The following LYPD5 variants were observed in gnomAD, a reference collection of about 807,000 sequenced individuals.
LYPD5 encodes ly6/PLAUR domain-containing protein 5.
Under a neutral mutation model 19.1 loss-of-function variants are expected in LYPD5, and 21 were observed. The ratio of observed to expected loss-of-function variants is 1.10; its 90% CI spans 0.78 to 1.58. LYPD5 has a LOEUF of 1.58. LYPD5 is among the 40% of genes most tolerant of loss of function. The probability of loss-of-function intolerance (pLI) is 0.00; values close to 1 mark genes in which losing one functional copy is unlikely to be tolerated. For missense variants in LYPD5, 287 were observed against 329.8 expected (o/e 0.87, Z 1.00); for synonymous variants, 128 against 142.7 (o/e 0.90, Z 0.74).
chr19:43,800,688 G>T (rs1324703431), intron 1 of LYPD5, among the ~76,000 whole-genome samples: 1 of 152,182 alleles, frequency 6.6e-6, no homozygotes, highest in African/African-American at 2.4e-5. Flanking sequence ...GAGGCCAGGG[G>T]TGGTGGCTCA....
At chr19:43,798,326 C>A in intron 4 of LYPD5, 129 bp downstream of exon 4, 1 of 1,213,460 alleles carries the variant, frequency 8.2e-7, no homozygotes, top group Non-Finnish European at 1.2e-6. Context: ...CTCCCTCAGA[C>A]CAGGGTCATG....
chr19:43,807,394 C>A (rs1444748714), upstream of LYPD5, among the ~76,000 whole-genome samples: 1 of 151,784 alleles, frequency 6.6e-6, no homozygotes, highest in Non-Finnish European at 1.5e-5. Flanking sequence ...GATTCTCCTG[C>A]CTCAGCCTCC....
intron 1 of LYPD5, among the ~76,000 whole-genome samples, chr19:43,800,669 T>A (rs1379884661): frequency 6.6e-6 from 1 of 151,918 alleles, no homozygotes; most frequent in African/African-American, 2.4e-5. Context: ...CAGTTTAAAA[T>A]CATATATGGA....
At chr19:43,802,459 A>G, upstream of LYPD5, 1 of 1,351,130 alleles carries the variant, frequency 7.4e-7, no homozygotes, top group Non-Finnish European at 1.0e-6. Context: ...AGTCCTAAGC[A>G]TCCCGGCCAC....
chr19:43,798,515 G>C lies in LYPD5; in HGVS notation c.457C>G (p.Arg153Gly), dbSNP rs758632707. ...GTCTGGTCCTGGTGACACTGGACTC[G>C]TCGGGACCTGCCGATAGCGCAGTCA... Reference protein sequence around the residue: ...QDDCAIGRSRRVQCHQDQTAC... With the variant: ...QDDCAIGRSRGVQCHQDQTAC... Residue 153 changes from arginine (R) to glycine (G), a missense_variant, in exon 4 of 5, where the codon CGA becomes GGA. Arg to Gly is a moderately radical substitution (Grantham distance 125). Coordinates refer to ENST00000377950, the MANE Select transcript of LYPD5 (RefSeq NM_001031749.3). The C allele has an allele frequency of 6.2e-7, 1 of 1,609,878 alleles. No homozygotes were observed. Among genetic ancestry groups the C allele is most frequent in the East Asian group, 2.2e-5 (1 of 44,880 alleles).
At position 43,817,746 on chromosome 19, in the gene LYPD5, C is replaced by A. The variant is rs926242446; in HGVS notation, c.-66+2794G>T. On this transcript the variant is annotated intron_variant, in intron 1 of 4. Transcript: ENST00000414615. ...ATTTTTTTTTTTTTTGAGATGGAGT[C>A]TCACTCTGTCACCAGGCTGGAGTGC... 2.0e-5 allele frequency among the ~76,000 whole-genome samples: 3 copies of A among 149,972 alleles called. No homozygotes were observed. The East Asian group carries it at 5.9e-4, about 29-fold the overall frequency.
Position 43,797,661 on chromosome 19 carries a change from G to T in LYPD5, c.686C>A (p.Thr229Asn), listed in dbSNP as rs369961144. 4 of 1,613,758 alleles carry T rather than the reference G, an allele frequency of 2.5e-6. No individual in the cohort carries two copies. The African/African-American group carries it at 5.3e-5, about 22-fold the overall frequency. ...TQPFTSASAT[T>N]PPRALQVLAL... is the part of the protein sequence containing the mutation. ...CAGGACCTGTAGTGCTCGGGGAGGG[G>T]TGGTGGCTGAAGCACTGGTGAAGGG... Residue 229 changes from threonine (T) to asparagine (N), a missense_variant, in exon 5 of 5, where the codon ACC (threonine) becomes AAC (asparagine). Transcript: ENST00000377950.
chr19:43,813,016 C>G (rs547474477), intron 1 of LYPD5, among the ~76,000 whole-genome samples: 5 of 152,146 alleles, frequency 3.3e-5, no homozygotes, highest in Non-Finnish European at 5.9e-5. Flanking sequence ...GCCCCACCTC[C>G]GGAATCAAGT....
intron 1 of LYPD5, among the ~76,000 whole-genome samples, chr19:43,818,177 G>A (rs1001064246): frequency 9.2e-5 from 14 of 152,150 alleles, no homozygotes; most frequent in African/African-American, 3.4e-4. Context: ...GGCCAAACAT[G>A]GATAAGTAAC....
In LYPD5 at chr19:43,797,486, T is replaced by A; in HGVS notation, c.*105A>T. The A allele has an allele frequency of 1.1e-6, 1 of 931,236 alleles. No homozygotes were observed. The highest frequency in any genetic ancestry group is 1.6e-5 in the South Asian group (1 of 63,142). The allele number at this position is 931,236 out of a possible 1,614,324, so 57.7% of individuals were successfully genotyped here. A position where few individuals can be genotyped will look rare whatever the true frequency, so the allele number is the denominator to read the frequency against. On this transcript the variant is annotated 3_prime_UTR_variant, in exon 5 of 5. Coordinates refer to ENST00000377950, the MANE Select transcript of LYPD5 (RefSeq NM_001031749.3). ...AGATGGAAGGCCAGAGGGACAGGAG[T>A]GCAATTCTTACTTTAACATCATTTT...
chr19:43,816,328 C>T (rs1284631311), intron 1 of LYPD5, among the ~76,000 whole-genome samples: 2 of 152,162 alleles, frequency 1.3e-5, no homozygotes, highest in African/African-American at 4.8e-5. Flanking sequence ...ATTGCCACTT[C>T]CTGATCACCA....
chr19:43,809,199 C>G (rs1970297676), intron 1 of LYPD5, among the ~76,000 whole-genome samples: 1 of 151,120 alleles, frequency 6.6e-6, no homozygotes, highest in Non-Finnish European at 1.5e-5. Flanking sequence ...GCCACTACAC[C>G]CGGCTAATTT....
chr19:43,814,230 G>A (rs378131), intron 1 of LYPD5, among the ~76,000 whole-genome samples: 8 of 152,126 alleles, frequency 5.3e-5, no homozygotes, highest in African/African-American at 1.9e-4. Flanking sequence ...TGGTGGCTCA[G>A]CCTGTAATCC....
chr19:43,797,955 C>CT lies in LYPD5; in HGVS notation c.518-127_518-126insA, dbSNP rs559679261. 4.2e-4 allele frequency: 306 copies of CT among 726,084 alleles called. 1 individual carries two copies. The African/African-American group carries it at 4.8e-3, about 11-fold the overall frequency. 45.0% of individuals were successfully genotyped at this position (726,084 alleles called of 1,614,324 possible). A position where few individuals can be genotyped will look rare whatever the true frequency, so the allele number is the denominator to read the frequency against. ...TTGCTTCAGGTTTTCCTCCTAAGACCAGGGCCAGGCCTCCCTCAGACCAGG... is the reference window on the plus strand; with the variant it reads ...TTGCTTCAGGTTTTCCTCCTAAGACCTAGGGCCAGGCCTCCCTCAGACCAGG... On this transcript the variant is annotated intron_variant, in intron 4 of 4. Coordinates refer to ENST00000377950, the MANE Select transcript of LYPD5 (RefSeq NM_001031749.3).
chr19:43,815,651 C>A, intron 1 of LYPD5: 1 of 212,868 alleles, frequency 4.7e-6, no homozygotes, highest in Non-Finnish European at 9.5e-6. Context: ...GAACACTATT[C>A]TGAAGTGTGA....
At chr19:43,816,114 G>A (rs1185685709) in intron 1 of LYPD5, among the ~76,000 whole-genome samples, 1 of 151,808 alleles carries the variant, frequency 6.6e-6, no homozygotes, top group African/African-American at 2.4e-5. Context: ...AAATGTCAAA[G>A]AGCCCTACCA....
chr19:43,802,789 G>A (rs1183062274), upstream of LYPD5, among the ~76,000 whole-genome samples: 5 of 151,814 alleles, frequency 3.3e-5, no homozygotes, highest in East Asian at 1.9e-4. Context: ...CCAAAGACAC[G>A]TTCATCGTCC....
chr19:43,820,293 G>A (rs1330173425), intron 1 of LYPD5, among the ~76,000 whole-genome samples: 1 of 152,080 alleles, frequency 6.6e-6, no homozygotes, highest in Non-Finnish European at 1.5e-5. Flanking sequence ...GCCGTGGCAC[G>A]TGCACTCTCA....
intron 1 of LYPD5, among the ~76,000 whole-genome samples, chr19:43,809,761 T>C (rs535369112): frequency 1.1e-4 from 17 of 152,210 alleles, no homozygotes; most frequent in Non-Finnish European, 1.9e-4. Context: ...GATGAAAATA[T>C]GAACTGCAAT....
Sources: gnomAD v4.1 joint callset for allele counts (sites outside exome capture counted in the v4.1 genomes callset) on GRCh38, gnomAD v4.1.1 for gene constraint, MANE v1.5 for transcripts, NCBI Gene and HGNC (gene_info 2026-07-23, HGNC 2026-07-21) for gene names.